Variants in ZBTB45 observed in about 807,000 individuals in gnomAD.
ZBTB45 encodes zinc finger and BTB domain containing 45.
Under a neutral mutation model 28.4 loss-of-function variants are expected in ZBTB45, and 22 were observed. The observed-to-expected ratio is 0.77, with a 90% CI of 0.55 to 1.10. The LOEUF is 1.10. Among genes scored for constraint, ZBTB45 ranks in the 50% least tolerant of loss-of-function variants. The pLI, the probability that ZBTB45 is intolerant of heterozygous loss-of-function variation, is 0.00. For synonymous variants in ZBTB45, 361 were observed against 332.3 expected, an observed-to-expected ratio of 1.09 and a Z score of -0.94; for missense variants, 656 against 750.2, an observed-to-expected ratio of 0.87 and a Z score of 1.47.
At chr19:58,533,792 G>T (rs1289471635) in intron 1 of ZBTB45, among the ~76,000 whole-genome samples, 3 of 152,098 alleles carry the variant, frequency 2.0e-5, no homozygotes, top group African/African-American at 7.2e-5. Flanking sequence ...GAAACACCCA[G>T]CCAAAAGCCA....
intron 1 of ZBTB45, among the ~76,000 whole-genome samples, chr19:58,530,674 T>C (rs1379679839): frequency 6.6e-6 from 1 of 150,834 alleles, no homozygotes; most frequent in African/African-American, 2.4e-5. Flanking sequence ...GAACATCTGT[T>C]TTCTTTCTTT....
intron 1 of ZBTB45, among the ~76,000 whole-genome samples, chr19:58,533,160 C>T (rs144940760): frequency 0.011 from 1,606 of 152,202 alleles, 30 homozygotes; most frequent in African/African-American, 0.036. Context: ...TTAGTAGAGA[C>T]AGGGTTTCAC....
At chr19:58,520,838 G>A (rs2053570721), upstream of ZBTB45, among the ~76,000 whole-genome samples, 1 of 151,722 alleles carries the variant, frequency 6.6e-6, no homozygotes, top group Non-Finnish European at 1.5e-5. Context: ...GGTGGATCAC[G>A]TCAGGAGATC....
upstream of ZBTB45, among the ~76,000 whole-genome samples, chr19:58,523,230 C>G (rs143806764): frequency 2.9e-4 from 44 of 152,220 alleles, 1 homozygote; most frequent in Non-Finnish European, 2.8e-4. Flanking sequence ...CCTTTTCTCT[C>G]TAAAGATCTT....
rs551242625 is a variant in ZBTB45 at position 58,517,359 on chromosome 19, G to A, written c.315C>T (p.Ala105=). ...CTGTCTGTATGCGAAGCACTGACGC[G>A]GCCGTGAGCACCTGCAGGGCTTCAC... The part of the protein sequence containing the change: ...AQGEALQVLT[A]ASVLRIQTVI... The change falls in exon 2 of 3, where the codon GCC becomes GCT. Residue 105 remains alanine (A), a synonymous_variant. Coordinates refer to ENST00000594051, the MANE Select transcript of ZBTB45 (RefSeq NM_001316979.2). 1,316 of 1,612,382 alleles carry A rather than the reference G, an allele frequency of 8.2e-4. 18 individuals are homozygous for A. In the South Asian group the frequency reaches 0.013, roughly 16 times the overall value.
intron 1 of ZBTB45, among the ~76,000 whole-genome samples, chr19:58,535,307 G>C (rs2053654821): frequency 6.6e-6 from 1 of 151,738 alleles, no homozygotes. Context: ...CACCCGGCCT[G>C]TTTGATTTTT....
chr19:58,538,395 T>A (rs1174483491), intron 1 of ZBTB45, among the ~76,000 whole-genome samples: 1 of 149,904 alleles, frequency 6.7e-6, no homozygotes, highest in African/African-American at 2.5e-5. Context: ...GTCTTCAGGG[T>A]GGTGGGCTGG....
upstream of ZBTB45, among the ~76,000 whole-genome samples, chr19:58,524,419 G>A (rs1004354365): frequency 7.0e-6 from 1 of 142,172 alleles, no homozygotes; most frequent in East Asian, 2.1e-4. Flanking sequence ...GTGTGTGTGT[G>A]TGTGTGTGTT....
chr19:58,520,798 G>A (rs1324340765), upstream of ZBTB45, among the ~76,000 whole-genome samples: 1 of 152,148 alleles, frequency 6.6e-6, no homozygotes, highest in Non-Finnish European at 1.5e-5. Context: ...GCTCATGCCT[G>A]TAATCCCAGC....
In ZBTB45 at chr19:58,531,339, A is replaced by G. The variant is rs78133128; in HGVS notation, c.-1+7362T>C. On this transcript the variant is annotated intron_variant, in intron 1 of 1. Transcript: ENST00000600130. ...ATGTCTAATCTATAAGCCATAAAAT[A>G]CATACAGCATTTATAGGGTGGGATC... is the stretch of plus-strand genomic sequence containing the variant. 5.7e-3 allele frequency among the ~76,000 whole-genome samples: 876 copies of G among 152,360 alleles called. 5 individuals are homozygous for G. Among genetic ancestry groups the G allele is most frequent in the Non-Finnish European group, 8.6e-3 (588 of 68,036 alleles).
At chr19:58,528,659 CCGAGGTGGGCGGATCA>C (rs1188077299) in intron 1 of ZBTB45, among the ~76,000 whole-genome samples, 1 of 152,106 alleles carries the variant, frequency 6.6e-6, no homozygotes, top group African/African-American at 2.4e-5. Context: ...CTTTGGGAGG[CCGAGGTGGGCGGATCA>C]CGAGGTCAGG....
chr19:58,514,719 A>G (rs1019103567), intron 2 of ZBTB45, among the ~76,000 whole-genome samples: 17 of 152,050 alleles, frequency 1.1e-4, no homozygotes, highest in Admixed American at 6.5e-4. Flanking sequence ...TGGACTGCCC[A>G]CTGGGATCTC....
rs1180130452 is a variant in ZBTB45 at position 58,516,032 on chromosome 19, A to G, written c.1279+363T>C. On this transcript the variant is annotated intron_variant, in intron 2 of 2. Transcript: ENST00000594051. This position sits in a 1 kb window ranked among gnomAD's most constrained non-coding sequence, Gnocchi z 6.2. ...GGACAGCTGGAAACCAGAGAGACAC[A>G]GGAGGCTCCCTGGAGCATAGTTTCC... Among the ~76,000 whole-genome samples the G allele has an allele frequency of 6.6e-6, 1 of 152,150 alleles. No homozygotes were observed. The highest frequency in any genetic ancestry group is 1.5e-5 in the Non-Finnish European group (1 of 68,018).
intron 1 of ZBTB45, 138 bp from the exon 2 acceptor site, chr19:58,517,811 C>T (rs2053532752): frequency 1.4e-6 from 1 of 734,764 alleles, no homozygotes; most frequent in South Asian, 1.8e-5. Flanking sequence ...CATCCCTCCC[C>T]AGCTGCCCTT....
chr19:58,529,913 A>G (rs1473252894), intron 1 of ZBTB45, among the ~76,000 whole-genome samples: 11 of 152,280 alleles, frequency 7.2e-5, no homozygotes, highest in Non-Finnish European at 5.9e-5. Context: ...ATGAGACCCC[A>G]TTATGGCTGG....
chr19:58,525,026 C>T (rs2053600473), intron 1 of ZBTB45, among the ~76,000 whole-genome samples: 1 of 152,198 alleles, frequency 6.6e-6, no homozygotes, highest in Non-Finnish European at 1.5e-5. Context: ...GGTGACTGGG[C>T]CTCCTCAGCT....
intron 2 of ZBTB45, 58 bp from the exon 3 acceptor site, chr19:58,514,368 A>T: frequency 7.4e-7 from 1 of 1,353,120 alleles, no homozygotes; most frequent in Non-Finnish European, 9.6e-7. Context: ...CCCCGCCCCC[A>T]CCCCACCCCA....
At chr19:58,538,100 A>G (rs1158589225) in intron 1 of ZBTB45, among the ~76,000 whole-genome samples, 2 of 152,072 alleles carry the variant, frequency 1.3e-5, no homozygotes, top group African/African-American at 4.8e-5. Context: ...GGCCTCCCAA[A>G]GTGCTGGGAT....
Position 58,516,998 on chromosome 19 carries a change from C to T in ZBTB45, c.676G>A (p.Gly226Ser), listed in dbSNP as rs542417313. ...GGTGCCTGGCCCTCGCCTGGGCCGC[C>T]ACCTTCGCCATCCTCGCCATCGGTC... ...DETDGEDGEG[G>S]GPGEGQAPPS... The change falls in exon 2 of 3, where the codon GGC becomes AGC. Residue 226 changes from glycine (G) to serine (S), a missense_variant. Around this residue, in one of 3 missense-constraint regions of ZBTB45, gnomAD observed 448 missense variants for 444.3 expected, o/e 1.01. Coordinates refer to ENST00000594051, the MANE Select transcript of ZBTB45 (RefSeq NM_001316979.2). The surrounding 1 kb of genome is among the most constrained non-coding windows in gnomAD (Gnocchi z 6.2). 13 of 1,613,186 alleles carry T rather than the reference C, an allele frequency of 8.1e-6. No individual in the cohort carries two copies. The East Asian group carries it at 1.8e-4, about 22-fold the overall frequency.
Sources: allele counts gnomAD v4.1 joint callset (sites outside exome capture counted in the v4.1 genomes callset), GRCh38; gene constraint gnomAD v4.1.1; regional missense constraint gnomAD v4.1.1; non-coding constraint Gnocchi (gnomAD v3.1); transcripts MANE v1.5; gene names NCBI Gene and HGNC (gene_info 2026-07-23, HGNC 2026-07-21).